Variants in KCNK9 observed in about 807,000 individuals in gnomAD.
KCNK9 encodes potassium channel subfamily K member 9.
KCNK9 carries 1 observed loss-of-function variant against 10.8 expected under a neutral mutation model. The observed-to-expected ratio is 0.09, with a 90% CI of 0.03 to 0.44. The LOEUF (loss-of-function observed/expected upper bound fraction) is 0.44. Among genes scored for constraint, KCNK9 ranks in the 20% least tolerant of loss-of-function variants. The probability of loss-of-function intolerance (pLI) is 0.97; values close to 1 mark genes in which losing one functional copy is unlikely to be tolerated. For missense variants in KCNK9, 303 were observed against 515.0 expected (o/e 0.59, Z 3.98); for synonymous variants, 231 against 222.7 (o/e 1.04, Z -0.33).
intron 1 of KCNK9, among the ~76,000 whole-genome samples, chr8:139,651,721 T>C (rs964663710): frequency 3.9e-5 from 6 of 152,152 alleles, no homozygotes; most frequent in African/African-American, 1.4e-4. Context: ...GGGTTTAAAA[T>C]AAATATTTGT....
chr8:139,624,537 G>C (rs1814903850), intron 1 of KCNK9, among the ~76,000 whole-genome samples: 1 of 152,144 alleles, frequency 6.6e-6, no homozygotes, highest in African/African-American at 2.4e-5. Context: ...GCCCTCCCCT[G>C]GCCTGCTCAG....
intron 1 of KCNK9, among the ~76,000 whole-genome samples, chr8:139,635,760 C>G (rs1238233856): frequency 6.6e-6 from 1 of 152,028 alleles, no homozygotes; most frequent in Non-Finnish European, 1.5e-5. Flanking sequence ...CACCCACAAC[C>G]CCCCCACTCA....
chr8:139,666,100 C>T (rs1253514705), intron 1 of KCNK9, among the ~76,000 whole-genome samples: 1 of 152,234 alleles, frequency 6.6e-6, no homozygotes, highest in Non-Finnish European at 1.5e-5. Context: ...GCTACCTGGT[C>T]ACCAGCCATG....
At chr8:139,611,508 C>G (rs1814423006), downstream of KCNK9, 1 of 152,368 alleles carries the variant, frequency 6.6e-6, no homozygotes, top group Non-Finnish European at 1.5e-5. Flanking sequence ...TCCTGAGTCA[C>G]TCATGGTGCA....
At chr8:139,640,593 G>A (rs975088788) in intron 1 of KCNK9, among the ~76,000 whole-genome samples, 13 of 152,236 alleles carry the variant, frequency 8.5e-5, no homozygotes, top group African/African-American at 2.4e-4. Context: ...TCACATACCC[G>A]CGCCCCAAGC....
chr8:139,608,082 T>C (rs1814287894), downstream of KCNK9, among the ~76,000 whole-genome samples: 1 of 152,134 alleles, frequency 6.6e-6, no homozygotes, highest in African/African-American at 2.4e-5. Flanking sequence ...TTACAAGACC[T>C]CCCTCCTCGA....
chr8:139,660,144 A>T (rs1456638751), intron 1 of KCNK9, among the ~76,000 whole-genome samples: 1 of 152,154 alleles, frequency 6.6e-6, no homozygotes, highest in African/African-American at 2.4e-5. Flanking sequence ...CCTCGGGCAC[A>T]TTTCAGAAGG....
chr8:139,635,350 G>A (rs964322254), intron 1 of KCNK9, among the ~76,000 whole-genome samples: 3 of 152,218 alleles, frequency 2.0e-5, no homozygotes, highest in Admixed American at 6.5e-5. Context: ...ACATAGCAGC[G>A]TTGCTCACTG....
At chr8:139,641,798 A>G (rs576966551) in intron 1 of KCNK9, among the ~76,000 whole-genome samples, 24 of 152,290 alleles carry the variant, frequency 1.6e-4, no homozygotes, top group Non-Finnish European at 2.4e-4. Flanking sequence ...GGTGAGTCCA[A>G]TGCAACTGCC....
downstream of KCNK9, among the ~76,000 whole-genome samples, chr8:139,608,141 C>T (rs2130080244): frequency 6.6e-6 from 1 of 152,322 alleles, no homozygotes; most frequent in African/African-American, 2.4e-5. Flanking sequence ...GGAACTGACT[C>T]ACCCTTCTGT....
downstream of KCNK9, chr8:139,611,213 G>T (rs1161143868): frequency 6.6e-6 from 1 of 152,254 alleles, no homozygotes; most frequent in South Asian, 2.1e-4. Flanking sequence ...CACAGAGCAG[G>T]TGCCATTAAA....
At chr8:139,658,130 A>G (rs1196511612) in intron 1 of KCNK9, among the ~76,000 whole-genome samples, 1 of 152,226 alleles carries the variant, frequency 6.6e-6, no homozygotes, top group East Asian at 1.9e-4. Context: ...CTTGTCTTCA[A>G]TGAAGAGAGA....
intron 1 of KCNK9, among the ~76,000 whole-genome samples, chr8:139,647,479 GAAC>G (rs1348820694): frequency 2.0e-5 from 3 of 152,210 alleles, no homozygotes; most frequent in African/African-American, 7.2e-5. Flanking sequence ...CCAGCATGAT[GAAC>G]AACAAATGAT....
chr8:139,692,923 A>G (rs1193037545), intron 1 of KCNK9, among the ~76,000 whole-genome samples: 1 of 151,516 alleles, frequency 6.6e-6, no homozygotes, highest in African/African-American at 2.4e-5. Context: ...CCAAGTGTCC[A>G]CCCCACAGTT....
Position 139,619,318 on chromosome 8 carries a change from G to C in KCNK9, c.284-219C>G, listed in dbSNP as rs545613614. Among the ~76,000 whole-genome samples the C allele has an allele frequency of 5.3e-5, 8 of 152,252 alleles. No homozygotes were observed. The South Asian group carries it at 6.2e-4, about 12-fold the overall frequency. On this transcript the variant is annotated intron_variant, in intron 1 of 1. Coordinates refer to ENST00000520439, the MANE Select transcript of KCNK9 (RefSeq NM_001282534.2). ...GTCACATGAGGTTAGGGGATGGCAGGGGGGTAGGAACATTTCAGTAGGGAG... is the reference window on the plus strand; with the variant it reads ...GTCACATGAGGTTAGGGGATGGCAGCGGGGTAGGAACATTTCAGTAGGGAG...
chr8:139,618,928 G>A lies in KCNK9; in HGVS notation c.455C>T (p.Thr152Ile). 5 of 1,614,260 alleles carry A rather than the reference G, an allele frequency of 3.1e-6. No individual in the cohort carries two copies. Among genetic ancestry groups the A allele is most frequent in the Non-Finnish European group, 4.2e-6 (5 of 1,180,048 alleles). Residue 152 changes from threonine to isoleucine, a missense_variant, in exon 2 of 2, where the codon ACT (threonine) becomes ATT (isoleucine). By Grantham distance (89) the Thr-to-Ile change is moderately conservative. Coordinates refer to ENST00000520439, the MANE Select transcript of KCNK9 (RefSeq NM_001282534.2). This position sits in a 1 kb window ranked among gnomAD's most constrained non-coding sequence, Gnocchi z 7.9. ...RIKKCCGMRN[T>I]DVSMENMVTV... ...CACCATGTTCTCCATAGACACGTCA[G>A]TGTTGCGCATGCCACAGCACTTCTT...
chr8:139,623,662 C>A (rs1226008726), intron 1 of KCNK9, among the ~76,000 whole-genome samples: 1 of 152,126 alleles, frequency 6.6e-6, no homozygotes, highest in Non-Finnish European at 1.5e-5. Flanking sequence ...CCCCCTCCCC[C>A]TACCCTCCAG....
rs79739109 is a variant in KCNK9 at position 139,688,892 on chromosome 8, G to A, written c.283+13818C>T. On this transcript the variant is annotated intron_variant, in intron 1 of 1. Coordinates refer to ENST00000520439, the MANE Select transcript of KCNK9 (RefSeq NM_001282534.2). The stretch of plus-strand genomic sequence containing the variant: ...CTTAATCCTCACAGCAGTCCTAGCA[G>A]GTTACTGTGGGCTGAATCATGTCCC... Among the ~76,000 whole-genome samples, 771 of 152,274 alleles carry A rather than the reference G, an allele frequency of 5.1e-3. 9 individuals are homozygous for A. Among genetic ancestry groups the A allele is most frequent in the African/African-American group, 0.018 (734 of 41,552 alleles).
intron 1 of KCNK9, among the ~76,000 whole-genome samples, chr8:139,639,022 C>T (rs998703287): frequency 3.9e-5 from 6 of 152,122 alleles, no homozygotes; most frequent in Non-Finnish European, 7.4e-5. Flanking sequence ...TCCCACCCTC[C>T]CCCAGGCCCA....
Sources: allele counts gnomAD v4.1 joint callset (sites outside exome capture counted in the v4.1 genomes callset), GRCh38; gene constraint gnomAD v4.1.1; non-coding constraint Gnocchi (gnomAD v3.1); transcripts MANE v1.5; gene names NCBI Gene and HGNC (gene_info 2026-07-23, HGNC 2026-07-21).